SLC16A3: variants seen among roughly 807,000 people sequenced by gnomAD.
SLC16A3 encodes the protein monocarboxylate transporter 4.
A neutral mutation model predicts 25.0 loss-of-function variants in SLC16A3; 22 were observed. The observed-to-expected ratio is 0.88, with a 90% confidence interval of 0.63 to 1.26. SLC16A3 has a LOEUF of 1.26. Among genes scored for constraint, SLC16A3 ranks in the 50% most tolerant of loss-of-function variants. The pLI is 0.00. For missense variants in SLC16A3, 731 were observed against 666.6 expected (o/e 1.10, Z -1.06); for synonymous variants, 390 against 309.2 (o/e 1.26, Z -2.74).
chr17:82,238,871 G>GCCTCCT lies in SLC16A3; in HGVS notation c.1294_1299dup (p.Pro432_Pro433dup). 4.3e-6 allele frequency: 7 copies of GCCTCCT among 1,610,700 alleles called. No individual in the cohort carries two copies. Among genetic ancestry groups the GCCTCCT allele is most frequent in the Non-Finnish European group, 5.9e-6 (7 of 1,178,218 alleles). ...CCGCGGAGGAGGAGAAGCTCCACAAGCCTCCTGCAGACTCGGGGGTGGACT... is the reference window on the plus strand; with the variant it reads ...CCGCGGAGGAGGAGAAGCTCCACAAGCCTCCTCCTCCTGCAGACTCGGGGGTGGACT... On this transcript the variant is annotated inframe_insertion, in exon 5 of 5. Coordinates refer to ENST00000582743, the MANE Select transcript of SLC16A3 (RefSeq NM_004207.4).
At chr17:82,219,214 G>A (rs578012674) in intron 1 of SLC16A3, among the ~76,000 whole-genome samples, 33 of 152,276 alleles carry the variant, frequency 2.2e-4, no homozygotes, top group Admixed American at 6.5e-4. Flanking sequence ...GGCAGGGCCT[G>A]GAGGCCGGGG....
intron 3 of SLC16A3, 82 bp downstream of exon 3, chr17:82,236,954 AGGAC>A: frequency 6.4e-7 from 1 of 1,556,866 alleles, no homozygotes; most frequent in Non-Finnish European, 8.7e-7. Flanking sequence ...AGGCCTCTGG[AGGAC>A]AGCAGGGCGG....
Position 82,237,287 on chromosome 17 carries a change from C to T in SLC16A3, c.517C>T (p.Arg173Cys), listed in dbSNP as rs940545976. The T allele has an allele frequency of 1.3e-5, 21 of 1,562,838 alleles. No individual in the cohort carries two copies. Among genetic ancestry groups the T allele is most frequent in the South Asian group, 3.5e-5 (3 of 85,216 alleles). ...LSPLGQLLQD[R>C]YGWRGGFLIL... ...CCCGCTGGGGCAGCTGCTGCAGGAC[C>T]GCTACGGCTGGCGGGGCGGCTTCCT... The change falls in exon 4 of 5, where the codon CGC (arginine) becomes TGC (cysteine). Residue 173 changes from arginine to cysteine, a missense_variant. By Grantham distance (180) the Arg-to-Cys change is radical. Transcript: ENST00000582743.
chr17:82,227,373 G>A (rs1051884965), upstream of SLC16A3, among the ~76,000 whole-genome samples: 3 of 152,046 alleles, frequency 2.0e-5, no homozygotes, highest in South Asian at 2.1e-4. Context: ...AAGGTGTCTC[G>A]GTGGCTTCAG....
At chr17:82,233,999 C>T (rs936444850) in intron 1 of SLC16A3, 24 of 152,196 alleles carry the variant, frequency 1.6e-4, no homozygotes, top group Admixed American at 1.2e-3. Flanking sequence ...TGCCACTGCG[C>T]CCAGCTAATT....
chr17:82,237,945 G>T, intron 4 of SLC16A3, 52 bp downstream of exon 4: 1 of 1,565,190 alleles, frequency 6.4e-7, no homozygotes, highest in Non-Finnish European at 8.6e-7. Flanking sequence ...CCCGTCAGAC[G>T]CCCGCTTTGC....
At chr17:82,227,588 G>A (rs2050432518), upstream of SLC16A3, among the ~76,000 whole-genome samples, 1 of 138,560 alleles carries the variant, frequency 7.2e-6, no homozygotes, top group Non-Finnish European at 1.7e-5. Flanking sequence ...CACCTGCCCT[G>A]GGCGGGAGCA....
chr17:82,222,498 T>C (rs1201484291), intron 1 of SLC16A3, among the ~76,000 whole-genome samples: 1 of 152,186 alleles, frequency 6.6e-6, no homozygotes, highest in Admixed American at 6.5e-5. Flanking sequence ...GGAAACATCA[T>C]TCAGCCGTAA....
chr17:82,238,174 G>A lies in SLC16A3; in HGVS notation c.1123+281G>A, dbSNP rs544982117. Among the ~76,000 whole-genome samples, 14 of 152,312 alleles carry A rather than the reference G, an allele frequency of 9.2e-5. No homozygotes were observed. The South Asian group carries it at 1.9e-3, about 20-fold the overall frequency. ...TCCAGGCTCTGCCTGGGCACCACGC[G>A]GCAGCTCCAGGCAACCCAACAGCCG... is the stretch of plus-strand genomic sequence containing the variant. On this transcript the variant is annotated intron_variant, in intron 4 of 4. Transcript: ENST00000582743.
upstream of SLC16A3, among the ~76,000 whole-genome samples, chr17:82,228,222 T>C (rs1599550920): frequency 6.6e-6 from 1 of 152,222 alleles, no homozygotes; most frequent in Non-Finnish European, 1.5e-5. Context: ...TATTTCCATG[T>C]TGCAAATGAG....
intron 1 of SLC16A3, among the ~76,000 whole-genome samples, chr17:82,220,477 G>T (rs2050382362): frequency 6.6e-6 from 1 of 152,204 alleles, no homozygotes; most frequent in Non-Finnish European, 1.5e-5. Context: ...CCTTAGGAAA[G>T]TAATAGATTC....
intron 2 of SLC16A3, 165 bp from the exon 3 acceptor site, chr17:82,236,561 GTCA>G (rs1599559030): frequency 3.1e-6 from 3 of 953,696 alleles, no homozygotes; most frequent in South Asian, 1.6e-5. Flanking sequence ...GCGCTCACGT[GTCA>G]TCATGGCCTG....
chr17:82,222,999 G>GA (rs1199071237), intron 1 of SLC16A3, among the ~76,000 whole-genome samples: 1 of 152,060 alleles, frequency 6.6e-6, no homozygotes, highest in Non-Finnish European at 1.5e-5. Flanking sequence ...GGAAGGGGGG[G>GA]TGCTGTGGGA....
At chr17:82,238,295 G>A (rs545278581) in intron 4 of SLC16A3, among the ~76,000 whole-genome samples, 1 of 152,208 alleles carries the variant, frequency 6.6e-6, no homozygotes, top group Non-Finnish European at 1.5e-5. Flanking sequence ...CCCAGGCTCC[G>A]CCTGCCTGGC....
intron 1 of SLC16A3, among the ~76,000 whole-genome samples, chr17:82,222,306 GCCC>G (rs2050394291): frequency 6.6e-6 from 1 of 151,838 alleles, no homozygotes; most frequent in African/African-American, 2.4e-5. Flanking sequence ...GACGAGTGTC[GCCC>G]TGGGACCCAG....
chr17:82,238,094 A>C (rs2050660703), intron 4 of SLC16A3, among the ~76,000 whole-genome samples: 1 of 152,006 alleles, frequency 6.6e-6, no homozygotes, highest in Non-Finnish European at 1.5e-5. Context: ...CGTCCGGCAC[A>C]GTGTGTCCAG....
At chr17:82,238,600 T>G in intron 4 of SLC16A3, 102 bp from the exon 5 acceptor site, 1 of 1,205,570 alleles carries the variant, frequency 8.3e-7, no homozygotes, top group Non-Finnish European at 1.1e-6. Flanking sequence ...GCAGACAGGG[T>G]GACCCTTGCG....
chr17:82,219,357 G>A (rs1231503697), intron 1 of SLC16A3, among the ~76,000 whole-genome samples: 1 of 152,092 alleles, frequency 6.6e-6, no homozygotes, highest in Non-Finnish European at 1.5e-5. Context: ...TCTCCAAGGG[G>A]CGGGGGAGGA....
intron 1 of SLC16A3, among the ~76,000 whole-genome samples, chr17:82,233,079 G>A (rs1191636441): frequency 6.6e-6 from 1 of 152,178 alleles, no homozygotes; most frequent in African/African-American, 2.4e-5. Flanking sequence ...CGGTGCCGGG[G>A]TTATCCTGGA....
Sources: allele counts gnomAD v4.1 joint callset (sites outside exome capture counted in the v4.1 genomes callset), GRCh38; gene constraint gnomAD v4.1.1; transcripts MANE v1.5; gene names NCBI Gene and HGNC (gene_info 2026-07-23, HGNC 2026-07-21).